RNF111: variants seen among roughly 807,000 people sequenced by gnomAD.
RNF111 encodes ring finger protein 111.
Under a neutral mutation model 95.1 loss-of-function variants are expected in RNF111, and 17 were observed. That is an observed-to-expected ratio of 0.18 (90% CI 0.12 to 0.27). RNF111 has a LOEUF of 0.27. Among genes scored for constraint, RNF111 ranks in the 10% least tolerant of loss-of-function variants. The probability of loss-of-function intolerance (pLI) is 1.00; values close to 1 mark genes in which losing one functional copy is unlikely to be tolerated. For missense variants in RNF111, 1,189 were observed against 1,210.4 expected, an observed-to-expected ratio of 0.98 and a Z score of 0.26; for synonymous variants, 440 against 414.8, an observed-to-expected ratio of 1.06 and a Z score of -0.74.
At chr15:58,989,176 A>G (rs568014371) in intron 1 of RNF111, among the ~76,000 whole-genome samples, 2 of 152,326 alleles carry the variant, frequency 1.3e-5, no homozygotes, top group Admixed American at 6.5e-5. Flanking sequence ...GTTTATTACT[A>G]TATGTATTTT....
In RNF111 at chr15:59,071,635, C is replaced by T. The variant is rs911275184; in HGVS notation, c.1687-4319C>T. 3.3e-5 allele frequency among the ~76,000 whole-genome samples: 5 copies of T among 151,118 alleles called. 1 individual carries two copies. The highest frequency in any genetic ancestry group is 5.9e-5 in the Non-Finnish European group (4 of 67,922). On this transcript the variant is annotated intron_variant, in intron 6 of 13. Transcript: ENST00000348370. ...GCTTGAGCCTAGGAGGTGGAGCTTGCAGTGAGCCAAGATTGTGCCACTGCA... is the reference window on the plus strand; with the variant it reads ...GCTTGAGCCTAGGAGGTGGAGCTTGTAGTGAGCCAAGATTGTGCCACTGCA...
chr15:59,064,741 A>T (rs1271764917), intron 5 of RNF111, among the ~76,000 whole-genome samples: 1 of 152,112 alleles, frequency 6.6e-6, no homozygotes, highest in Non-Finnish European at 1.5e-5. Flanking sequence ...AGGCCAGACT[A>T]GCAGCTTGGA....
intron 6 of RNF111, among the ~76,000 whole-genome samples, chr15:59,074,062 T>C (rs1277518720): frequency 6.6e-6 from 1 of 152,186 alleles, no homozygotes; most frequent in African/African-American, 2.4e-5. Context: ...GAAAGGAATA[T>C]TTTTTTCTTA....
At chr15:59,091,499 G>A (rs552268896) in intron 12 of RNF111, among the ~76,000 whole-genome samples, 1 of 152,134 alleles carries the variant, frequency 6.6e-6, no homozygotes, top group East Asian at 1.9e-4. Flanking sequence ...TGCCTTTCAT[G>A]CCAATTAGCT....
At chr15:59,046,472 C>T (rs1346660458) in intron 2 of RNF111, among the ~76,000 whole-genome samples, 1 of 152,176 alleles carries the variant, frequency 6.6e-6, no homozygotes, top group African/African-American at 2.4e-5. Context: ...TGATTACAGG[C>T]GTCAGCCTCT....
At chr15:59,090,386 C>T (rs905004033) in intron 11 of RNF111, among the ~76,000 whole-genome samples, 2 of 152,118 alleles carry the variant, frequency 1.3e-5, no homozygotes, top group Admixed American at 6.6e-5. Context: ...CCCGCCACCA[C>T]GCCCGGCTAA....
intron 1 of RNF111, among the ~76,000 whole-genome samples, chr15:58,989,590 A>G (rs2038721675): frequency 6.6e-6 from 1 of 152,192 alleles, no homozygotes; most frequent in Non-Finnish European, 1.5e-5. Context: ...TAGTTATTTC[A>G]CCAGACATAG....
chr15:59,017,821 A>G (rs1408954758), intron 1 of RNF111, among the ~76,000 whole-genome samples: 2 of 147,258 alleles, frequency 1.4e-5, no homozygotes. Context: ...GCAATGGCAC[A>G]ATCTCGGCTC....
At chr15:59,067,277 C>A (rs551520783) in intron 6 of RNF111, among the ~76,000 whole-genome samples, 194 bp downstream of exon 6, 2 of 149,142 alleles carry the variant, frequency 1.3e-5, no homozygotes, top group African/African-American at 5.0e-5. Flanking sequence ...TTCTTCCTTC[C>A]TTTCCTCTCT....
At position 59,058,377 on chromosome 15, in the gene RNF111, C is replaced by T. The variant is rs2042287637; in HGVS notation, c.1193C>T (p.Thr398Ile). The change falls in exon 5 of 14, where the codon ACT (threonine) becomes ATT (isoleucine). Residue 398 changes from threonine (T) to isoleucine (I), a missense_variant. Physicochemically the swap from Thr to Ile is moderately conservative, Grantham distance 89. Coordinates refer to ENST00000348370, the MANE Select transcript of RNF111 (RefSeq NM_017610.8). ...DEDEPTVVPT[T>I]SARMESQATS... ...GTAGAACCTACTGTAGTACCAACCA[C>T]TTCTGCAAGAATGGAATCACAAGCT... is the stretch of plus-strand genomic sequence containing the variant. 1.2e-6 allele frequency: 2 copies of T among 1,613,958 alleles called. No individual in the cohort carries two copies. The highest frequency in any genetic ancestry group is 1.7e-5 in the Admixed American group (1 of 59,998).
intron 1 of RNF111, among the ~76,000 whole-genome samples, chr15:58,991,517 A>T (rs528161777): frequency 1.5e-4 from 23 of 152,168 alleles, no homozygotes; most frequent in Non-Finnish European, 3.2e-4. Context: ...CCATGAGGAA[A>T]ATAGGACCAT....
chr15:59,042,231 A>G lies in RNF111; in HGVS notation c.881-10074A>G, dbSNP rs539800114. Among the ~76,000 whole-genome samples the G allele has an allele frequency of 1.2e-4, 18 of 152,064 alleles. No individual in the cohort carries two copies. In the South Asian group the frequency reaches 3.1e-3, roughly 26 times the overall value. On this transcript the variant is annotated intron_variant, in intron 2 of 13. Transcript: ENST00000348370. ...AACCTCAGCCTCCCACGCTTAAGCAATCCTCCCACCTCAGCCTCCTGAGTA... is the reference window on the plus strand; with the variant it reads ...AACCTCAGCCTCCCACGCTTAAGCAGTCCTCCCACCTCAGCCTCCTGAGTA...
At chr15:59,039,577 A>G (rs965879150) in intron 2 of RNF111, among the ~76,000 whole-genome samples, 9 of 152,170 alleles carry the variant, frequency 5.9e-5, no homozygotes, top group African/African-American at 1.9e-4. Context: ...CATTGGGAAC[A>G]TCTTCAAACT....
intron 1 of RNF111, among the ~76,000 whole-genome samples, chr15:59,023,029 C>A (rs1165330768): frequency 1.3e-5 from 2 of 152,088 alleles, no homozygotes; most frequent in Non-Finnish European, 2.9e-5. Flanking sequence ...GGAGGATCAC[C>A]TGAGGTCAGG....
intron 7 of RNF111, among the ~76,000 whole-genome samples, chr15:59,080,433 C>T (rs1348490618): frequency 1.3e-5 from 2 of 151,878 alleles, no homozygotes; most frequent in Admixed American, 6.6e-5. Context: ...TTCCTGTGTA[C>T]TCTTGATGGA....
chr15:59,092,468 A>C (rs540487730), intron 12 of RNF111, 69 bp from the exon 13 acceptor site: 200 of 1,493,444 alleles, frequency 1.3e-4, no homozygotes, highest in Non-Finnish European at 1.7e-4. Context: ...TCAAATAAAC[A>C]CAGACTTTAC....
At chr15:59,073,097 G>C (rs1173154573) in intron 6 of RNF111, among the ~76,000 whole-genome samples, 1 of 152,092 alleles carries the variant, frequency 6.6e-6, no homozygotes, top group Non-Finnish European at 1.5e-5. Context: ...TGCTTGAGCT[G>C]GGTAGGTGGA....
At position 59,013,364 on chromosome 15, in the gene RNF111, A is replaced by G. The variant is rs143849860; in HGVS notation, c.-19-17440A>G. ...TTAAATAAACTCCAGATAATATTTCATTGTAGACTCTGGTTTCACAGTTTC... is the reference window on the plus strand; with the variant it reads ...TTAAATAAACTCCAGATAATATTTCGTTGTAGACTCTGGTTTCACAGTTTC... On this transcript the variant is annotated intron_variant, in intron 1 of 13. Transcript: ENST00000348370. Among the ~76,000 whole-genome samples, 21 of 152,294 alleles carry G rather than the reference A, an allele frequency of 1.4e-4. No homozygotes were observed. The East Asian group carries it at 3.7e-3, about 27-fold the overall frequency.
At chr15:59,032,981 T>G (rs2040990687) in intron 2 of RNF111, among the ~76,000 whole-genome samples, 1 of 152,206 alleles carries the variant, frequency 6.6e-6, no homozygotes, top group African/African-American at 2.4e-5. Flanking sequence ...GTTCCATGTA[T>G]ACAAACCATC....
Sources: gnomAD v4.1 joint callset for allele counts (sites outside exome capture counted in the v4.1 genomes callset) on GRCh38, gnomAD v4.1.1 for gene constraint, MANE v1.5 for transcripts, NCBI Gene and HGNC (gene_info 2026-07-23, HGNC 2026-07-21) for gene names.